The following LMNTD1 variants were observed in gnomAD, a reference collection of about 807,000 sequenced individuals.
LMNTD1 encodes lamin tail domain-containing protein 1.
In LMNTD1, 35 loss-of-function variants were observed where a neutral mutation model predicts 50.9. The observed-to-expected ratio is 0.69, with a 90% CI of 0.53 to 0.91. LMNTD1 has a LOEUF of 0.91. Among genes scored for constraint, LMNTD1 ranks in the 40% least tolerant of loss-of-function variants. The probability of loss-of-function intolerance (pLI) is 0.00; values close to 1 mark genes in which losing one functional copy is unlikely to be tolerated. For synonymous variants in LMNTD1, 153 were observed against 161.9 expected, an observed-to-expected ratio of 0.94 and a Z score of 0.42; for missense variants, 470 against 475.5, an observed-to-expected ratio of 0.99 and a Z score of 0.11.
intron 1 of LMNTD1, among the ~76,000 whole-genome samples, chr12:25,601,608 C>A (rs996933770): frequency 6.6e-6 from 1 of 151,770 alleles, no homozygotes; most frequent in Non-Finnish European, 1.5e-5. Flanking sequence ...TATGTACCCA[C>A]AAAAATTAAA....
intron 1 of LMNTD1, among the ~76,000 whole-genome samples, chr12:25,636,745 A>G (rs1378093544): frequency 3.3e-5 from 5 of 152,250 alleles, no homozygotes; most frequent in Admixed American, 1.3e-4. Flanking sequence ...ATGCCCATCA[A>G]TCAATCAGTG....
chr12:25,521,471 C>T (rs1222180015), intron 6 of LMNTD1, among the ~76,000 whole-genome samples: 5 of 152,114 alleles, frequency 3.3e-5, no homozygotes, highest in South Asian at 2.1e-4. Context: ...TGCGGCTTAG[C>T]GAACTACATG....
chr12:25,493,671 G>A (rs1262735547), intron 9 of LMNTD1, among the ~76,000 whole-genome samples: 2 of 152,156 alleles, frequency 1.3e-5, no homozygotes, highest in Non-Finnish European at 2.9e-5. Context: ...ATTTAGAAAG[G>A]CAAGATCAAG....
chr12:25,603,677 C>T (rs575108061), intron 1 of LMNTD1, among the ~76,000 whole-genome samples: 42 of 152,076 alleles, frequency 2.8e-4, no homozygotes, highest in African/African-American at 7.7e-4. Context: ...CCTGTCCTCA[C>T]GAAGCTGACA....
chr12:25,526,809 A>G lies in LMNTD1; in HGVS notation c.638T>C (p.Phe213Ser). Residue 213 changes from phenylalanine (F) to serine (S), a missense_variant, in exon 5 of 10, where the codon TTC becomes TCC. Transcript: ENST00000458174. ...TGCCTGCATTACGATGTTTGGAAGG[A>G]ATCGGTACAAAGAAATGGTTTGTCC... ...VNGQTISLYRFLPNIVMQANS... is the reference protein window; with the variant it reads ...VNGQTISLYRSLPNIVMQANS... 6.2e-7 allele frequency: 1 copy of G among 1,612,366 alleles called. No individual in the cohort carries two copies. Among genetic ancestry groups the G allele is most frequent in the Non-Finnish European group, 8.5e-7 (1 of 1,179,118 alleles).
chr12:25,540,699 C>T (rs1350511840), intron 4 of LMNTD1, among the ~76,000 whole-genome samples: 1 of 142,416 alleles, frequency 7.0e-6, no homozygotes, highest in Non-Finnish European at 1.5e-5. Flanking sequence ...CGCTCCTATT[C>T]AACATAGTGT....
intron 1 of LMNTD1, among the ~76,000 whole-genome samples, chr12:25,613,584 C>G (rs1329528903): frequency 6.6e-6 from 1 of 152,126 alleles, no homozygotes; most frequent in African/African-American, 2.4e-5. Flanking sequence ...TGTAAATGAG[C>G]CTCATTTGAT....
chr12:25,527,681 T>TATATATATATACAC (rs1463259109), intron 4 of LMNTD1, among the ~76,000 whole-genome samples: 3 of 32,348 alleles, frequency 9.3e-5, no homozygotes, highest in Non-Finnish European at 1.8e-4. Context: ...TATATATATA[T>TATATATATATACAC]ACACACACAC....
At chr12:25,543,864 T>C (rs1292841552) in intron 4 of LMNTD1, among the ~76,000 whole-genome samples, 1 of 152,110 alleles carries the variant, frequency 6.6e-6, no homozygotes, top group Non-Finnish European at 1.5e-5. Flanking sequence ...CTTGGAACTG[T>C]GTTTCTTAAT....
In LMNTD1 at chr12:25,571,339, TTTTATTTATTTATTTA is replaced by T. The variant is rs55781545; in HGVS notation, c.59-24801_59-24786del. ...GGGATTTCTTTTTTCAAAAAAGTAT[TTTTATTTATTTATTTA>T]TTTATTTATTTATTTATTTATTTTT... is the stretch of plus-strand genomic sequence containing the variant. On this transcript the variant is annotated intron_variant, in intron 1 of 7. Transcript: ENST00000445693. Among the ~76,000 whole-genome samples, 86 of 148,782 alleles carry T rather than the reference TTTTATTTATTTATTTA, an allele frequency of 5.8e-4. 1 individual carries two copies. The highest frequency in any genetic ancestry group is 3.5e-3 in the Middle Eastern group (1 of 288).
At chr12:25,487,243 CT>C (rs1294287579) in intron 9 of LMNTD1, among the ~76,000 whole-genome samples, 1 of 117,148 alleles carries the variant, frequency 8.5e-6, no homozygotes, top group African/African-American at 3.3e-5. Flanking sequence ...GTGTTAAAGT[CT>C]CCCATTATTA....
chr12:25,508,851 A>G (rs902443290), intron 8 of LMNTD1, among the ~76,000 whole-genome samples: 2 of 152,134 alleles, frequency 1.3e-5, no homozygotes, highest in African/African-American at 4.8e-5. Context: ...AGTTTTGCAA[A>G]TATCATTCGT....
At chr12:25,518,431 A>C (rs1411594622) in intron 8 of LMNTD1, among the ~76,000 whole-genome samples, 1 of 152,226 alleles carries the variant, frequency 6.6e-6, no homozygotes, top group Non-Finnish European at 1.5e-5. Flanking sequence ...GAAAAGGTGG[A>C]ATTTTTTTCA....
At chr12:25,549,610 A>C (rs17422350) in intron 2 of LMNTD1, 64 bp from the exon 3 acceptor site, 112,317 of 893,024 alleles carry the variant, frequency 0.13, 7,724 homozygotes, top group East Asian at 0.19. Flanking sequence ...TGAATAAAAG[A>C]AGCATGGGCT....
intron 1 of LMNTD1, among the ~76,000 whole-genome samples, chr12:25,637,975 A>G (rs907226688): frequency 6.6e-6 from 1 of 152,118 alleles, no homozygotes; most frequent in Non-Finnish European, 1.5e-5. Flanking sequence ...CAAATTGAGC[A>G]TAGCAACACA....
At chr12:25,560,010 G>T (rs535445236) in intron 1 of LMNTD1, among the ~76,000 whole-genome samples, 1 of 152,260 alleles carries the variant, frequency 6.6e-6, no homozygotes, top group East Asian at 1.9e-4. Context: ...CACTCTGATG[G>T]TAGTTTCTTT....
chr12:25,588,593 C>CA (rs1178669809), intron 1 of LMNTD1, among the ~76,000 whole-genome samples: 6 of 150,816 alleles, frequency 4.0e-5, no homozygotes, highest in East Asian at 3.9e-4. Flanking sequence ...AATTGATTGT[C>CA]AAAAAAAAAT....
At chr12:25,562,283 C>T (rs1944363219) in intron 1 of LMNTD1, among the ~76,000 whole-genome samples, 1 of 152,142 alleles carries the variant, frequency 6.6e-6, no homozygotes, top group African/African-American at 2.4e-5. Context: ...ACGATTGTTC[C>T]TTTCCATGTT....
chr12:25,489,406 A>C lies in LMNTD1; in HGVS notation c.*23-12946T>G, dbSNP rs551313097. 7.9e-5 allele frequency among the ~76,000 whole-genome samples: 12 copies of C among 151,298 alleles called. No homozygotes were observed. The East Asian group carries it at 2.3e-3, about 29-fold the overall frequency. ...ACCTGATTTTCCAGGTGCGTCCGTC[A>C]CCCCTTTATTTGACTCGGAAAGGGA... On this transcript the variant is annotated intron_variant, in intron 9 of 9. Transcript: ENST00000458174.
Sources: gnomAD v4.1 joint callset for allele counts (sites outside exome capture counted in the v4.1 genomes callset) on GRCh38, gnomAD v4.1.1 for gene constraint, MANE v1.5 for transcripts, NCBI Gene and HGNC (gene_info 2026-07-23, HGNC 2026-07-21) for gene names.